The following DTL variants were observed in gnomAD, a reference collection of about 807,000 sequenced individuals.
DTL encodes the protein denticleless E3 ubiquitin protein ligase adapter, also known as denticleless protein homolog.
DTL carries 46 observed loss-of-function variants against 87.0 expected under a neutral mutation model. The observed-to-expected ratio is 0.53, with a 90% CI of 0.42 to 0.68. The LOEUF is 0.68. DTL is among the 30% of genes least tolerant of loss of function. The probability of loss-of-function intolerance (pLI) is 0.00; values close to 1 mark genes in which losing one functional copy is unlikely to be tolerated. For synonymous variants in DTL, 308 were observed against 311.2 expected, an observed-to-expected ratio of 0.99 and a Z score of 0.11; for missense variants, 737 against 869.4, an observed-to-expected ratio of 0.85 and a Z score of 1.91.
intron 12 of DTL, 137 bp downstream of exon 12, chr1:212,078,399 T>C: frequency 3.3e-6 from 2 of 600,540 alleles, no homozygotes. Flanking sequence ...ATCCAGGATC[T>C]ATATTCACAT....
At chr1:212,050,942 G>A (rs1334722190) in intron 5 of DTL, among the ~76,000 whole-genome samples, 1 of 151,712 alleles carries the variant, frequency 6.6e-6, no homozygotes, top group Non-Finnish European at 1.5e-5. Context: ...TACACTTTTG[G>A]TCTTTTATAG....
chr1:212,058,733 G>C (rs1199960655), intron 5 of DTL, among the ~76,000 whole-genome samples: 7 of 151,352 alleles, frequency 4.6e-5, no homozygotes, highest in Non-Finnish European at 8.9e-5. Flanking sequence ...CAAGAAAAAG[G>C]GTCAACAAAA....
At position 212,047,409 on chromosome 1, in the gene DTL, T is replaced by G; in HGVS notation, c.452T>G (p.Phe151Cys). ...CSLKSVAFSK[F>C]EKAVFCTGGR... ...CTCAAGTCAGTTGCCTTTTCTAAGT[T>G]TGAGAAAGGTAGGTTTGTGCTTATC... is the stretch of plus-strand genomic sequence containing the variant. The change falls in exon 5 of 15, where the codon TTT (phenylalanine) becomes TGT (cysteine). Residue 151 changes from phenylalanine to cysteine, a missense_variant. Physicochemically the swap from Phe to Cys is radical, Grantham distance 205. Coordinates refer to ENST00000366991, the MANE Select transcript of DTL (RefSeq NM_016448.4). 1 of 1,614,226 alleles carries G rather than the reference T, an allele frequency of 6.2e-7. No individual in the cohort carries two copies.
chr1:212,091,743 T>C (rs1655288970), intron 13 of DTL, among the ~76,000 whole-genome samples: 1 of 152,140 alleles, frequency 6.6e-6, no homozygotes, highest in Non-Finnish European at 1.5e-5. Context: ...GTTGAACTCA[T>C]AGGAGCAGAG....
chr1:212,040,166 G>C (rs1489107568), intron 1 of DTL, among the ~76,000 whole-genome samples: 1 of 151,958 alleles, frequency 6.6e-6, no homozygotes, highest in Non-Finnish European at 1.5e-5. Context: ...TATTCTATAA[G>C]TTTTTTTATT....
chr1:212,039,553 G>C (rs539944193), intron 1 of DTL, among the ~76,000 whole-genome samples: 31 of 152,146 alleles, frequency 2.0e-4, no homozygotes, highest in Non-Finnish European at 4.0e-4. Context: ...GTGAGTTTTA[G>C]AAATGCGTAT....
chr1:212,070,610 C>CAAAA (rs574962254), intron 10 of DTL, among the ~76,000 whole-genome samples: 3,783 of 137,188 alleles, frequency 0.028, 54 homozygotes, highest in African/African-American at 0.048. Flanking sequence ...GACCCTGTCT[C>CAAAA]AAAAAAAAAA....
Position 212,044,719 on chromosome 1 carries a change from AAC to A in DTL, c.242_243del (p.Thr81ArgfsTer22). ...TGAAGAAGGCTTTGTTCGATTGTAT[AAC>A]ACAGAATCACAAAGTTTCAGAAAGA... ...ANEEGFVRLY[N>X]TESQSFRKKC... On this transcript the variant is annotated frameshift_variant, in exon 3 of 15. Transcript: ENST00000366991. LOFTEE classifies it high-confidence loss of function. The A allele has an allele frequency of 6.2e-7, 1 of 1,613,542 alleles. No individual in the cohort carries two copies. Among genetic ancestry groups the A allele is most frequent in the Non-Finnish European group, 8.5e-7 (1 of 1,179,628 alleles).
At chr1:212,065,832 A>C (rs917930066) in intron 7 of DTL, among the ~76,000 whole-genome samples, 2 of 152,018 alleles carry the variant, frequency 1.3e-5, no homozygotes, top group Non-Finnish European at 2.9e-5. Flanking sequence ...CAGCCTCCCA[A>C]GTAGCTGGGA....
At chr1:212,066,652 A>C (rs897643776) in intron 7 of DTL, among the ~76,000 whole-genome samples, 160 bp from the exon 8 acceptor site, 30 of 152,222 alleles carry the variant, frequency 2.0e-4, no homozygotes, top group Non-Finnish European at 1.5e-5. Flanking sequence ...ATCCTTGCTA[A>C]AATTACCTCT....
chr1:212,077,223 A>C (rs1008556584), intron 11 of DTL, among the ~76,000 whole-genome samples: 1 of 152,140 alleles, frequency 6.6e-6, no homozygotes, highest in Non-Finnish European at 1.5e-5. Context: ...AATAATAGTT[A>C]TGTGTGTTTG....
In DTL at chr1:212,044,045, C is replaced by T. The variant is rs111668050; in HGVS notation, c.179-615C>T. The stretch of plus-strand genomic sequence containing the variant: ...CGGAAGTTGCAGTGAGCTGAGATCA[C>T]GCCACTGCATTCCTGCCTAGGTGAC... On this transcript the variant is annotated intron_variant, in intron 2 of 14. Coordinates refer to ENST00000366991, the MANE Select transcript of DTL (RefSeq NM_016448.4). Among the ~76,000 whole-genome samples the T allele has an allele frequency of 5.4e-3, 824 of 152,064 alleles. 4 individuals carry two copies. Among genetic ancestry groups the T allele is most frequent in the African/African-American group, 0.019 (779 of 41,482 alleles).
chr1:212,042,123 A>G (rs1667670715), intron 1 of DTL, among the ~76,000 whole-genome samples: 1 of 152,184 alleles, frequency 6.6e-6, no homozygotes, highest in Non-Finnish European at 1.5e-5. Context: ...TGCTTATTGA[A>G]CATTTGGTTT....
At chr1:212,064,376 AC>A (rs1654429992) in intron 6 of DTL, among the ~76,000 whole-genome samples, 1 of 152,150 alleles carries the variant, frequency 6.6e-6, no homozygotes, top group Admixed American at 6.5e-5. Flanking sequence ...ACATGCTGTC[AC>A]TCAGAGTTTA....
intron 14 of DTL, 36 bp downstream of exon 14, chr1:212,101,120 C>T (rs1028079617): frequency 1.4e-6 from 2 of 1,428,142 alleles, no homozygotes; most frequent in Non-Finnish European, 1.9e-6. Flanking sequence ...CATTTCCTAA[C>T]TTAAAAGGGG....
rs946307609 is a variant in DTL, at chr1:212,080,862, A to T, written c.1261+112A>T. On this transcript the variant is annotated intron_variant, in intron 13 of 14. Transcript: ENST00000366991. ...CTTTGGTATGTTTTTAAAGAAAAGC[A>T]CTATCTTCTTGCCATTCATTCTTTT... 6.9e-6 allele frequency: 8 copies of T among 1,155,030 alleles called. No individual in the cohort carries two copies. The Admixed American group carries it at 2.0e-4, about 28-fold the overall frequency. The allele number at this position is 1,155,030 out of a possible 1,614,324, so 71.5% of individuals were successfully genotyped here.
chr1:212,094,641 G>C (rs575549129), intron 13 of DTL, among the ~76,000 whole-genome samples: 1 of 152,140 alleles, frequency 6.6e-6, no homozygotes, highest in Non-Finnish European at 1.5e-5. Flanking sequence ...TGTGAAGAAC[G>C]ATGATGGTAT....
chr1:212,036,708 T>C (rs1483886952), intron 1 of DTL, among the ~76,000 whole-genome samples: 1 of 152,210 alleles, frequency 6.6e-6, no homozygotes, highest in Non-Finnish European at 1.5e-5. Context: ...CAATAAGAGA[T>C]TTGAGGTTAG....
intron 13 of DTL, 28 bp from the exon 14 acceptor site, chr1:212,100,224 A>C (rs373790167): frequency 6.8e-7 from 1 of 1,479,590 alleles, no homozygotes; most frequent in South Asian, 1.3e-5. Flanking sequence ...TTCACTTCTG[A>C]TCTTCATGAT....
Sources: allele counts gnomAD v4.1 joint callset (sites outside exome capture counted in the v4.1 genomes callset), GRCh38; gene constraint gnomAD v4.1.1; transcripts MANE v1.5; gene names NCBI Gene and HGNC (gene_info 2026-07-23, HGNC 2026-07-21).